PCNT: variants seen among roughly 807,000 people sequenced by gnomAD.
The protein encoded by PCNT is kendrin.
PCNT carries 319 observed loss-of-function variants against 380.4 expected under a neutral mutation model. The observed-to-expected ratio is 0.84, with a 90% CI of 0.77 to 0.92. PCNT has a LOEUF of 0.92. Among genes scored for constraint, PCNT ranks in the 40% least tolerant of loss-of-function variants. The probability of loss-of-function intolerance (pLI) is 0.00; values close to 1 mark genes in which losing one functional copy is unlikely to be tolerated. For synonymous variants in PCNT, 1,845 were observed against 1,735.2 expected (o/e 1.06, Z -1.57); for missense variants, 4,400 against 4,255.3 (o/e 1.03, Z -0.95).
chr21:46,359,478 CTGTTTTTTTTT>C lies in PCNT; in HGVS notation c.2154+2300_2154+2310del, dbSNP rs1271199235. Among the ~76,000 whole-genome samples the C allele has an allele frequency of 4.7e-4, 34 of 72,648 alleles. 4 individuals are homozygous for C. In the East Asian group the frequency reaches 4.8e-3, roughly 10 times the overall value. The allele number at this position is 72,648 out of a possible 152,430, so 47.7% of individuals were successfully genotyped here. A position where few individuals can be genotyped will look rare whatever the true frequency, so the allele number is the denominator to read the frequency against. On this transcript the variant is annotated intron_variant, in intron 13 of 46. Coordinates refer to ENST00000359568, the MANE Select transcript of PCNT (RefSeq NM_006031.6). ...TGTAGTATTCTGTCCAAAAATACAC[CTGTTTTTTTTT>C]TGTTTTTTTTTTTTTTTTGAGACAG...
In PCNT at chr21:46,376,124, G is replaced by A. The variant is rs193184490; in HGVS notation, c.3166-5570G>A. Among the ~76,000 whole-genome samples the A allele has an allele frequency of 4.0e-3, 603 of 152,234 alleles. 8 individuals carry two copies. Among genetic ancestry groups the A allele is most frequent in the African/African-American group, 0.014 (574 of 41,544 alleles). ...CTGCAGTGTGTGACTCTGGGATCCC[G>A]GAGGCCGCGGGGCTAGAGCGTGGCA... On this transcript the variant is annotated intron_variant, in intron 15 of 46. Transcript: ENST00000359568.
Position 46,436,854 on chromosome 21 carries a change from G to C in PCNT, c.8997-125G>C, listed in dbSNP as rs541328214. ...TGGCTCTGCCTCACGGCTGGACGAA[G>C]TGATTCACACACAGGCTCCTCAGAA... On this transcript the variant is annotated intron_variant, in intron 39 of 46. Coordinates refer to ENST00000359568, the MANE Select transcript of PCNT (RefSeq NM_006031.6). 1.7e-5 allele frequency: 13 copies of C among 762,478 alleles called. No homozygotes were observed. The East Asian group carries it at 3.5e-4, about 20-fold the overall frequency. 47.2% of individuals were successfully genotyped at this position (762,478 alleles called of 1,614,324 possible).
At chr21:46,330,639 TC>T (rs200188848) in intron 2 of PCNT, among the ~76,000 whole-genome samples, 2 of 151,310 alleles carry the variant, frequency 1.3e-5, no homozygotes, top group African/African-American at 2.4e-5. Flanking sequence ...GGAGTTTTTT[TC>T]ATATGTATTA....
chr21:46,349,179 G>A lies in PCNT; in HGVS notation c.1200G>A (p.Gln400=). The change falls in exon 7 of 47, where the codon CAG becomes CAA. Residue 400 remains glutamine (Q), a synonymous_variant. Transcript: ENST00000359568. ...AGAAGATTTTTCAAGACAAAAACCA[G>A]GCTGAACGTAAGTAATGAAAATGAG... is the stretch of plus-strand genomic sequence containing the variant. The part of the protein sequence containing the change: ...ELEKIFQDKN[Q]AERALRNLES... 6.2e-7 allele frequency: 1 copy of A among 1,613,442 alleles called. No homozygotes were observed. The highest frequency in any genetic ancestry group is 8.5e-7 in the Non-Finnish European group (1 of 1,179,384).
At position 46,367,088 on chromosome 21, in the gene PCNT, G is replaced by A. The variant is rs781710292; in HGVS notation, c.3114G>A (p.Val1038=). The part of the protein sequence containing the change: ...QSVRDHLRTE[V]STELAGTVAH... ...TGCGGGACCACCTGCGAACCGAAGTGAGCACAGAGCTCGCCGGAACCGTGG... is the reference window on the plus strand; with the variant it reads ...TGCGGGACCACCTGCGAACCGAAGTAAGCACAGAGCTCGCCGGAACCGTGG... Residue 1038 remains valine (V), a synonymous_variant, in exon 15 of 47, where the codon GTG becomes GTA. Transcript: ENST00000359568. 5 of 1,613,670 alleles carry A rather than the reference G, an allele frequency of 3.1e-6. No individual in the cohort carries two copies. The highest frequency in any genetic ancestry group is 1.7e-4 in the Middle Eastern group (1 of 6,060).
intron 37 of PCNT, chr21:46,430,942 C>T (rs553508494): frequency 1.1e-4 from 105 of 985,384 alleles, no homozygotes; most frequent in African/African-American, 8.7e-4. Context: ...ACAGCCTCCT[C>T]GCTGGCATCC....
intron 15 of PCNT, among the ~76,000 whole-genome samples, chr21:46,374,692 A>C (rs1162355902): frequency 1.3e-5 from 2 of 152,146 alleles, no homozygotes; most frequent in African/African-American, 4.8e-5. Flanking sequence ...TTTACTAAAA[A>C]TACAAAACTA....
At chr21:46,364,870 T>G (rs571688286) in intron 14 of PCNT, among the ~76,000 whole-genome samples, 2 of 152,350 alleles carry the variant, frequency 1.3e-5, no homozygotes, top group African/African-American at 4.8e-5. Context: ...GACATGCAGT[T>G]CGTGGTAGAG....
In PCNT at chr21:46,366,570, C is replaced by T. The variant is rs760740180; in HGVS notation, c.2610-14C>T. ...TGCATGTTTAACTGTCCTGTGTTCA[C>T]TTTGTTGCCGCAGGTTTTTAGAGGA... On this transcript the variant is annotated splice_polypyrimidine_tract_variant and intron_variant, in intron 14 of 46. Transcript: ENST00000359568. 2 of 1,611,960 alleles carry T rather than the reference C, an allele frequency of 1.2e-6. No homozygotes were observed. The highest frequency in any genetic ancestry group is 1.7e-6 in the Non-Finnish European group (2 of 1,178,102).
At chr21:46,382,516 G>A (rs2085598452) in intron 16 of PCNT, among the ~76,000 whole-genome samples, 1 of 146,156 alleles carries the variant, frequency 6.8e-6, no homozygotes. Flanking sequence ...TTCAGTGGCA[G>A]AAGCTCATTC....
At chr21:46,380,185 A>G (rs1337516461) in intron 15 of PCNT, among the ~76,000 whole-genome samples, 1 of 59,978 alleles carries the variant, frequency 1.7e-5, no homozygotes, top group Admixed American at 3.0e-4. Flanking sequence ...TTTTTTTTTG[A>G]GACAGAGTCT....
rs4343553 is a variant in PCNT, at chr21:46,429,324, A to G, written c.7691-686A>G. Among the ~76,000 whole-genome samples the G allele has an allele frequency of 5.9e-3, 190 of 32,056 alleles. 7 individuals carry two copies. Among genetic ancestry groups the G allele is most frequent in the African/African-American group, 0.021 (109 of 5,136 alleles). The allele number at this position is 32,056 out of a possible 152,430, so 21.0% of individuals were successfully genotyped here. On this transcript the variant is annotated intron_variant, in intron 35 of 46. Transcript: ENST00000359568. ...CCGGCGCTGTGCGAGCGCTCGTGAGAGGCATGGGGGGGCTGGCGCTGTGCA... is the reference window on the plus strand; with the variant it reads ...CCGGCGCTGTGCGAGCGCTCGTGAGGGGCATGGGGGGGCTGGCGCTGTGCA...
intron 21 of PCNT, 96 bp downstream of exon 21, chr21:46,391,472 G>A: frequency 9.6e-7 from 1 of 1,040,094 alleles, no homozygotes. Context: ...AGTGTCTCTA[G>A]AGGGTCAAGT....
At chr21:46,400,888 T>C (rs1350455124) in intron 25 of PCNT, among the ~76,000 whole-genome samples, 2 of 152,156 alleles carry the variant, frequency 1.3e-5, no homozygotes, top group African/African-American at 4.8e-5. Context: ...GGCCCTGACG[T>C]GTTTCCGTTC....
At chr21:46,338,587 A>G (rs1439120439) in intron 3 of PCNT, among the ~76,000 whole-genome samples, 1 of 146,412 alleles carries the variant, frequency 6.8e-6, no homozygotes, top group East Asian at 2.0e-4. Flanking sequence ...TTTTGTGAAT[A>G]TGAATAATGA....
intron 15 of PCNT, among the ~76,000 whole-genome samples, chr21:46,378,962 C>G (rs1406862081): frequency 6.6e-6 from 1 of 152,136 alleles, no homozygotes; most frequent in African/African-American, 2.4e-5. Flanking sequence ...GTTTTGTCTC[C>G]TGTTTTCTCT....
At chr21:46,356,873 G>C (rs1382769828) in intron 12 of PCNT, 101 bp from the exon 13 acceptor site, 8 of 951,656 alleles carry the variant, frequency 8.4e-6, no homozygotes, top group Non-Finnish European at 1.4e-5. Flanking sequence ...AGTGTCTGCT[G>C]TCAGAAGCAT....
At chr21:46,424,782 C>G (rs2087425117) in intron 32 of PCNT, among the ~76,000 whole-genome samples, 2 of 150,712 alleles carry the variant, frequency 1.3e-5, no homozygotes, top group Non-Finnish European at 3.0e-5. Flanking sequence ...CCGCACCACC[C>G]CGCTCCCCTC....
In PCNT at chr21:46,445,311, C is replaced by T. The variant is rs572189125; in HGVS notation, c.9995C>T (p.Pro3332Leu). The change falls in exon 47 of 47, where the codon CCG becomes CTG. Residue 3332 changes from proline (P) to leucine (L), a missense_variant. Transcript: ENST00000359568. ...TCTACTTCAAAGAAATCCTGCCACC[C>T]GATGATTAAACAGTGAATAAAATGT... ...PDSTSKKSCH[P>L]MIKQ 1.2e-5 allele frequency: 20 copies of T among 1,607,980 alleles called. No individual in the cohort carries two copies. Among genetic ancestry groups the T allele is most frequent in the African/African-American group, 6.7e-5 (5 of 74,926 alleles).
Sources: gnomAD v4.1 joint callset for allele counts (sites outside exome capture counted in the v4.1 genomes callset) on GRCh38, gnomAD v4.1.1 for gene constraint, MANE v1.5 for transcripts, NCBI Gene and HGNC (gene_info 2026-07-23, HGNC 2026-07-21) for gene names.